The following SPINK1 variants were observed in gnomAD, a reference collection of about 807,000 sequenced individuals.
SPINK1 encodes serine protease inhibitor Kazal-type 1.
SPINK1 carries 5 observed loss-of-function variants against 9.5 expected under a neutral mutation model. The observed-to-expected ratio is 0.52, with a 90% CI of 0.27 to 1.10. The LOEUF (loss-of-function observed/expected upper bound fraction) is 1.10. Among genes scored for constraint, SPINK1 ranks in the 50% least tolerant of loss-of-function variants. The pLI is 0.11. For synonymous variants in SPINK1, 37 were observed against 32.3 expected (o/e 1.14, Z -0.49); for missense variants, 88 against 92.7 (o/e 0.95, Z 0.21).
the SPINK1 span, among the ~76,000 whole-genome samples, chr5:147,837,705 CT>C: frequency 1.8e-3 from 231 of 130,154 alleles, 1 homozygote; most frequent in African/African-American, 6.4e-3. Context: ...TTCTTTCTTT[CT>C]TTCTTTCTTT....
At chr5:147,838,936 T>C in the SPINK1 span, among the ~76,000 whole-genome samples, 1 of 152,130 alleles carries the variant, frequency 6.6e-6, no homozygotes, top group Non-Finnish European at 1.5e-5. Flanking sequence ...GATTGATGAC[T>C]TGATCTGCCT....
At chr5:147,837,365 G>A in the SPINK1 span, among the ~76,000 whole-genome samples, 1 of 152,132 alleles carries the variant, frequency 6.6e-6, no homozygotes, top group Admixed American at 6.5e-5. Flanking sequence ...CCCCTCTGTG[G>A]GGTTTGAAAT....
chr5:147,826,394 G>C (rs1756404551), intron 3 of SPINK1, among the ~76,000 whole-genome samples: 1 of 152,172 alleles, frequency 6.6e-6, no homozygotes. Context: ...AGGAAGAGAG[G>C]TCATGTTTTC....
At chr5:147,828,517 C>T (rs1409762574) in intron 2 of SPINK1, among the ~76,000 whole-genome samples, 1 of 152,170 alleles carries the variant, frequency 6.6e-6, no homozygotes, top group African/African-American at 2.4e-5. Flanking sequence ...GGGGCACGTT[C>T]TTCCTTGTAC....
intron 3 of SPINK1, among the ~76,000 whole-genome samples, chr5:147,826,179 C>T (rs1421784964): frequency 6.6e-6 from 1 of 152,164 alleles, no homozygotes; most frequent in Non-Finnish European, 1.5e-5. Flanking sequence ...AGCACATAAT[C>T]ACCAAAAAGA....
rs1176292040 is a variant in SPINK1, at chr5:147,829,158, T to TTTTTTC, written c.87+440_87+441insGAAAAA. 9.8e-3 allele frequency among the ~76,000 whole-genome samples: 1,484 copies of TTTTTTC among 152,168 alleles called. 15 individuals carry two copies. The highest frequency in any genetic ancestry group is 0.032 in the African/African-American group (1,323 of 41,494). On this transcript the variant is annotated intron_variant, in intron 2 of 3. Transcript: ENST00000296695. Reference sequence around the variant, plus strand: ...ACAAAAAAATATGAAAAGGTTAGAGTTAGAATATTTTTCTAGAAGGAGAAC... The same window carrying TTTTTTC: ...ACAAAAAAATATGAAAAGGTTAGAGTTTTTTCTAGAATATTTTTCTAGAAGGAGAAC...
At chr5:147,827,972 A>G in intron 3 of SPINK1, 50 bp downstream of exon 3, 1 of 1,395,374 alleles carries the variant, frequency 7.2e-7, no homozygotes, top group Non-Finnish European at 1.0e-6. Context: ...ACACTTGAAG[A>G]TAACTAACTT....
rs1004075846 is a variant in SPINK1, at chr5:147,829,540, T to A, written c.87+59A>T. On this transcript the variant is annotated intron_variant, in intron 2 of 3. Coordinates refer to ENST00000296695, the MANE Select transcript of SPINK1 (RefSeq NM_001379610.1). ...ACTGAAAGGTGACAGCAAGGCTGCA[T>A]TTTTGTTGGATCAAACTGTTCCAGT... 1.2e-5 allele frequency: 18 copies of A among 1,550,688 alleles called. No individual in the cohort carries two copies. In the African/African-American group the frequency reaches 2.3e-4, roughly 20 times the overall value.
intron 3 of SPINK1, chr5:147,827,256 G>A (rs1756424576): frequency 6.6e-6 from 1 of 152,100 alleles, no homozygotes. Context: ...TGTTGGCCAG[G>A]CTGGTCTCAG....
intron 2 of SPINK1, among the ~76,000 whole-genome samples, chr5:147,828,744 T>C (rs934910643): frequency 1.3e-5 from 2 of 152,218 alleles, no homozygotes; most frequent in African/African-American, 4.8e-5. Context: ...CAGGTGAAGA[T>C]AATGAGGCAC....
At chr5:147,832,838 A>G (rs1485847849), upstream of SPINK1, among the ~76,000 whole-genome samples, 1 of 152,208 alleles carries the variant, frequency 6.6e-6, no homozygotes, top group Non-Finnish European at 1.5e-5. Context: ...AACCCTTCCC[A>G]AGTCATGACA....
chr5:147,837,575 T>A, the SPINK1 span, among the ~76,000 whole-genome samples: 1 of 152,208 alleles, frequency 6.6e-6, no homozygotes, highest in South Asian at 2.1e-4. Context: ...TCTCTTTCCT[T>A]ATATTGGTGT....
Position 147,831,536 on chromosome 5 carries a change from C to T in SPINK1, c.42G>A (p.Leu14=), listed in dbSNP as rs1339009593. The change falls in exon 1 of 4, where the codon CTG becomes CTA. Residue 14 remains leucine (L), a synonymous_variant. Coordinates refer to ENST00000296695, the MANE Select transcript of SPINK1 (RefSeq NM_001379610.1). ...TGCAACACTTACCAGATAGACTCAA[C>T]AGGGCCAAGGCACTGAGAAGAAAGA... is the stretch of plus-strand genomic sequence containing the variant. ...TGIFLLSALA[L]LSLSGNTGAD... 6.2e-7 allele frequency: 1 copy of T among 1,613,632 alleles called. No individual in the cohort carries two copies. The highest frequency in any genetic ancestry group is 8.5e-7 in the Non-Finnish European group (1 of 1,179,856).
At chr5:147,826,393 G>C (rs1408776997) in intron 3 of SPINK1, among the ~76,000 whole-genome samples, 1 of 152,162 alleles carries the variant, frequency 6.6e-6, no homozygotes, top group African/African-American at 2.4e-5. Flanking sequence ...TAGGAAGAGA[G>C]GTCATGTTTT....
intron 3 of SPINK1, among the ~76,000 whole-genome samples, chr5:147,825,910 T>C (rs1333543671): frequency 6.6e-6 from 1 of 152,336 alleles, no homozygotes; most frequent in East Asian, 1.9e-4. Context: ...CATATAGCTA[T>C]GTAAATGTAA....
upstream of SPINK1, among the ~76,000 whole-genome samples, chr5:147,834,062 C>T (rs1756554484): frequency 6.6e-6 from 1 of 152,062 alleles, no homozygotes; most frequent in South Asian, 2.1e-4. Flanking sequence ...TTATTCCCTC[C>T]TATTGTACGA....
upstream of SPINK1, chr5:147,831,796 G>T: frequency 7.1e-7 from 1 of 1,408,570 alleles, no homozygotes; most frequent in African/African-American, 1.4e-5. Context: ...AAGGAGCCAG[G>T]TGGGCCTGAA....
At position 147,829,545 on chromosome 5, in the gene SPINK1, G is replaced by A. The variant is rs78365498; in HGVS notation, c.87+54C>T. 2,203 of 1,563,416 alleles carry A rather than the reference G, an allele frequency of 1.4e-3. 31 individuals carry two copies. In the African/African-American group the frequency reaches 0.027, roughly 19 times the overall value. On this transcript the variant is annotated intron_variant, in intron 2 of 3. Coordinates refer to ENST00000296695, the MANE Select transcript of SPINK1 (RefSeq NM_001379610.1). The stretch of plus-strand genomic sequence containing the variant: ...AAGGTGACAGCAAGGCTGCATTTTT[G>A]TTGGATCAAACTGTTCCAGTCTGAG...
chr5:147,831,773 G>A, upstream of SPINK1: 1 of 1,431,090 alleles, frequency 7.0e-7, no homozygotes, highest in Non-Finnish European at 9.1e-7. Flanking sequence ...TGTCACCTGT[G>A]TAAGAAAGGT....
Sources: gnomAD v4.1 joint callset for allele counts (sites outside exome capture counted in the v4.1 genomes callset) on GRCh38, gnomAD v4.1.1 for gene constraint, MANE v1.5 for transcripts, NCBI Gene and HGNC (gene_info 2026-07-23, HGNC 2026-07-21) for gene names.